Variants in RTN4 observed in about 807,000 individuals in gnomAD.
RTN4 encodes the protein reticulon-4.
A neutral mutation model predicts 90.4 loss-of-function variants in RTN4; 32 were observed. The observed-to-expected ratio is 0.35, with a 90% CI of 0.27 to 0.48. RTN4 has a LOEUF of 0.48. RTN4 is among the 20% of genes least tolerant of loss of function. The pLI is 0.99. For missense variants in RTN4, 1,706 were observed against 1,430.2 expected (o/e 1.19, Z -3.11); for synonymous variants, 629 against 552.5 (o/e 1.14, Z -1.94).
At chr2:54,981,629 C>G (rs1480319178) in intron 5 of RTN4, among the ~76,000 whole-genome samples, 1 of 152,150 alleles carries the variant, frequency 6.6e-6, no homozygotes, top group Non-Finnish European at 1.5e-5. Flanking sequence ...GTGCCTGTTT[C>G]GTCAGTCAGA....
the RTN4 span, among the ~76,000 whole-genome samples, chr2:55,131,538 C>A: frequency 0.33 from 50,425 of 152,044 alleles, 9,856 homozygotes; most frequent in African/African-American, 0.54. Context: ...TTTAAAGCCC[C>A]AAACATTCTT....
At chr2:54,989,005 C>T (rs1231194645) in intron 3 of RTN4, among the ~76,000 whole-genome samples, 1 of 152,192 alleles carries the variant, frequency 6.6e-6, no homozygotes, top group Non-Finnish European at 1.5e-5. Flanking sequence ...TATACTCTTT[C>T]TAAGAAGAGG....
intron 2 of RTN4, among the ~76,000 whole-genome samples, chr2:55,071,231 G>A (rs1668507341): frequency 6.6e-6 from 1 of 151,822 alleles, no homozygotes; most frequent in Admixed American, 6.6e-5. Flanking sequence ...CAAAATGTCT[G>A]GCACAGTCAG....
chr2:55,067,539 A>G lies in RTN4; in HGVS notation c.-63+12950T>C, dbSNP rs143059444. Among the ~76,000 whole-genome samples, 642 of 152,122 alleles carry G rather than the reference A, an allele frequency of 4.2e-3. 3 individuals carry two copies. In the Middle Eastern group the frequency reaches 0.044, roughly 10 times the overall value. ...GTGATTCTTGTGCCTCAGCCTCCCA[A>G]GTAGCTGGGATTACAGGCATATGCC... On this transcript the variant is annotated intron_variant, in intron 2 of 3. Transcript: ENST00000427710.
chr2:55,092,731 C>T (rs1464696580), intron 1 of RTN4, among the ~76,000 whole-genome samples: 1 of 152,218 alleles, frequency 6.6e-6, no homozygotes, highest in African/African-American at 2.4e-5. Flanking sequence ...TCCTGTAAGC[C>T]AGGTAAAACT....
At chr2:54,994,477 C>A (rs1367883549) in intron 3 of RTN4, among the ~76,000 whole-genome samples, 1 of 152,134 alleles carries the variant, frequency 6.6e-6, no homozygotes, top group Non-Finnish European at 1.5e-5. Flanking sequence ...AGGACAAAAA[C>A]CACATGATCA....
At chr2:54,973,642 AATT>A (rs778039999) in intron 7 of RTN4, 21 bp from the exon 8 acceptor site, 2 of 1,589,238 alleles carry the variant, frequency 1.3e-6, no homozygotes, top group Non-Finnish European at 1.7e-6. Flanking sequence ...GGTATAAAGG[AATT>A]ATTACCGTTG....
At chr2:55,097,824 A>T (rs4672016) in intron 1 of RTN4, among the ~76,000 whole-genome samples, 6 of 151,766 alleles carry the variant, frequency 4.0e-5, no homozygotes, top group Admixed American at 1.3e-4. Context: ...GCTGGAGATA[A>T]GGATTTCTGA....
At chr2:55,006,709 T>C (rs1573362817) in intron 3 of RTN4, among the ~76,000 whole-genome samples, 1 of 152,152 alleles carries the variant, frequency 6.6e-6, no homozygotes, top group East Asian at 1.9e-4. Context: ...TTGCACCTAC[T>C]TTTAAAATTT....
At chr2:55,010,269 G>C in intron 3 of RTN4, 1 of 1,494,756 alleles carries the variant, frequency 6.7e-7, no homozygotes, top group Non-Finnish European at 8.9e-7. Context: ...ACTGCAGCAG[G>C]ACTGAAGTCA....
chr2:55,093,610 G>A (rs1050019518), intron 1 of RTN4, among the ~76,000 whole-genome samples: 1 of 151,994 alleles, frequency 6.6e-6, no homozygotes, highest in Non-Finnish European at 1.5e-5. Flanking sequence ...CCTGAGATCT[G>A]GAGAGTACAA....
chr2:55,122,881 T>C, the RTN4 span, among the ~76,000 whole-genome samples: 10 of 152,248 alleles, frequency 6.6e-5, no homozygotes, highest in Non-Finnish European at 1.2e-4. Flanking sequence ...GAACTGCCAG[T>C]GCTCAAGCAG....
At chr2:54,994,429 G>A (rs1679259929) in intron 3 of RTN4, among the ~76,000 whole-genome samples, 1 of 152,030 alleles carries the variant, frequency 6.6e-6, no homozygotes, top group East Asian at 1.9e-4. Flanking sequence ...TTAAACATAC[G>A]AAAATCAATC....
intron 4 of RTN4, among the ~76,000 whole-genome samples, chr2:54,985,440 A>G (rs940561557): frequency 2.6e-5 from 4 of 152,128 alleles, no homozygotes; most frequent in African/African-American, 9.7e-5. Context: ...TATTACAGGC[A>G]TGAGCCAACA....
At chr2:55,059,289 A>G (rs557646703) in intron 2 of RTN4, among the ~76,000 whole-genome samples, 39 of 138,160 alleles carry the variant, frequency 2.8e-4, no homozygotes, top group South Asian at 7.4e-4. Flanking sequence ...CAAGGACAAA[A>G]TCTATGATTT....
chr2:54,977,406 G>T (rs1429191007), intron 5 of RTN4, among the ~76,000 whole-genome samples: 1 of 146,110 alleles, frequency 6.8e-6, no homozygotes, highest in Non-Finnish European at 1.5e-5. Flanking sequence ...AGCTCAGGCC[G>T]TTTTTTTTTT....
Position 55,034,523 on chromosome 2 carries a change from T to C in RTN4, c.557-6303A>G, listed in dbSNP as rs188603961. On this transcript the variant is annotated intron_variant, in intron 1 of 8. Transcript: ENST00000337526. ...TCTCTAAACGAACAAACAAAATATA[T>C]AGAAAAAGTAAAGATTAATAAAGGT... Among the ~76,000 whole-genome samples the C allele has an allele frequency of 8.3e-3, 1,266 of 151,844 alleles. 13 individuals carry two copies. The highest frequency in any genetic ancestry group is 0.029 in the African/African-American group (1,213 of 41,384).
chr2:55,060,773 T>C (rs758323236), intron 2 of RTN4: 1 of 152,080 alleles, frequency 6.6e-6, no homozygotes, highest in Non-Finnish European at 1.5e-5. Context: ...ATACAAAAAT[T>C]AGCTAGCATG....
intron 5 of RTN4, among the ~76,000 whole-genome samples, chr2:54,978,121 T>C (rs190628183): frequency 6.4e-4 from 97 of 152,140 alleles, no homozygotes; most frequent in Middle Eastern, 3.4e-3. Flanking sequence ...AGGAAGATGG[T>C]TTCACATGGA....
Sources: gnomAD v4.1 joint callset for allele counts (sites outside exome capture counted in the v4.1 genomes callset) on GRCh38, gnomAD v4.1.1 for gene constraint, MANE v1.5 for transcripts, NCBI Gene and HGNC (gene_info 2026-07-23, HGNC 2026-07-21) for gene names.